The following AGBL4 variants were observed in gnomAD, a reference collection of about 807,000 sequenced individuals.
AGBL4 encodes the protein AGBL carboxypeptidase 4.
AGBL4 carries 58 observed loss-of-function variants against 66.4 expected under a neutral mutation model. The observed-to-expected ratio is 0.87, with a 90% CI of 0.71 to 1.09. The LOEUF is 1.09. AGBL4 is among the 50% of genes least tolerant of loss of function. The pLI is 0.00. For synonymous variants in AGBL4, 234 were observed against 222.9 expected (o/e 1.05, Z -0.44); for missense variants, 579 against 631.0 (o/e 0.92, Z 0.88).
intron 3 of AGBL4, among the ~76,000 whole-genome samples, chr1:49,401,976 T>G (rs1645096321): frequency 6.6e-6 from 1 of 152,170 alleles, no homozygotes; most frequent in South Asian, 2.1e-4. Context: ...TAGTTGCACA[T>G]AGTAGCCACC....
intron 6 of AGBL4, among the ~76,000 whole-genome samples, chr1:48,731,277 A>C (rs1648083639): frequency 6.6e-6 from 1 of 152,186 alleles, no homozygotes; most frequent in Admixed American, 6.5e-5. Context: ...TTTAGTAAAA[A>C]AAAAAAATCA....
chr1:49,146,037 T>C (rs960774466), intron 4 of AGBL4, among the ~76,000 whole-genome samples: 8 of 152,188 alleles, frequency 5.3e-5, no homozygotes, highest in Non-Finnish European at 1.0e-4. Flanking sequence ...ACTCACTTAT[T>C]TGTGGGATCT....
At chr1:49,680,428 G>T (rs938325112) in intron 3 of AGBL4, among the ~76,000 whole-genome samples, 7 of 151,768 alleles carry the variant, frequency 4.6e-5, no homozygotes, top group African/African-American at 1.5e-4. Context: ...AATTTTATTA[G>T]TTTTCCTTCA....
chr1:48,897,907 T>C (rs1007035876), intron 5 of AGBL4, among the ~76,000 whole-genome samples: 5 of 151,562 alleles, frequency 3.3e-5, no homozygotes, highest in Non-Finnish European at 4.4e-5. Context: ...CCTCCTGGGT[T>C]CAAGCGATTC....
intron 3 of AGBL4, among the ~76,000 whole-genome samples, chr1:49,360,075 G>T (rs1261357738): frequency 6.6e-6 from 1 of 152,072 alleles, no homozygotes; most frequent in East Asian, 1.9e-4. Context: ...TTAAGTTATG[G>T]ATCATCTTTC....
intron 5 of AGBL4, among the ~76,000 whole-genome samples, chr1:48,997,237 T>C (rs1027820595): frequency 2.6e-5 from 4 of 152,034 alleles, no homozygotes; most frequent in African/African-American, 9.7e-5. Flanking sequence ...AAGTGATAAA[T>C]TTAAGATGTA....
intron 1 of AGBL4, among the ~76,000 whole-genome samples, chr1:49,981,167 A>C (rs1190104604): frequency 1.3e-5 from 2 of 152,218 alleles, no homozygotes; most frequent in Non-Finnish European, 2.9e-5. Flanking sequence ...ACTGCAAAAC[A>C]CTTATAAAAT....
At chr1:49,661,194 A>T (rs1301367435) in intron 3 of AGBL4, among the ~76,000 whole-genome samples, 1 of 152,194 alleles carries the variant, frequency 6.6e-6, no homozygotes, top group African/African-American at 2.4e-5. Context: ...AGAAAATTCA[A>T]CATAACTAGT....
intron 3 of AGBL4, among the ~76,000 whole-genome samples, chr1:49,673,189 T>G (rs1307098061): frequency 6.6e-6 from 1 of 152,172 alleles, no homozygotes; most frequent in Non-Finnish European, 1.5e-5. Flanking sequence ...TTACTGTAAT[T>G]TCTATTTCTC....
intron 4 of AGBL4, among the ~76,000 whole-genome samples, chr1:49,115,612 T>G (rs1645502935): frequency 6.6e-6 from 1 of 150,844 alleles, no homozygotes; most frequent in Non-Finnish European, 1.5e-5. Flanking sequence ...GAGGGAGAGA[T>G]AGAAAGAGAG....
rs561128054 is a variant in AGBL4, at chr1:49,697,021, G to C, written c.282+292C>G. On this transcript the variant is annotated intron_variant, in intron 3 of 13. Transcript: ENST00000371839. ...TAAACATAATAGCAAGTCTCTTCCAGTGTTTCCTTATAGTGTCCCTCAAGG... is the reference window on the plus strand; with the variant it reads ...TAAACATAATAGCAAGTCTCTTCCACTGTTTCCTTATAGTGTCCCTCAAGG... Among the ~76,000 whole-genome samples, 5 of 152,234 alleles carry C rather than the reference G, an allele frequency of 3.3e-5. 1 individual carries two copies. Among genetic ancestry groups the C allele is most frequent in the Admixed American group, 2.6e-4 (4 of 15,264 alleles).
intron 1 of AGBL4, among the ~76,000 whole-genome samples, chr1:49,929,920 T>G (rs1038759762): frequency 6.6e-6 from 1 of 152,122 alleles, no homozygotes; most frequent in Non-Finnish European, 1.5e-5. Context: ...ATCATTTGAA[T>G]ATAGACTGTG....
intron 9 of AGBL4, among the ~76,000 whole-genome samples, chr1:48,619,723 T>A (rs1645378580): frequency 6.6e-6 from 1 of 152,204 alleles, no homozygotes; most frequent in Non-Finnish European, 1.5e-5. Context: ...TCCCGACTGC[T>A]GAGTCTGCAT....
intron 1 of AGBL4, among the ~76,000 whole-genome samples, chr1:49,886,565 GA>G (rs1304013331): frequency 6.6e-6 from 1 of 152,132 alleles, no homozygotes; most frequent in Non-Finnish European, 1.5e-5. Flanking sequence ...ACAGAGAGGA[GA>G]AAAAATAAAG....
At chr1:49,342,311 C>G (rs1645556663) in intron 3 of AGBL4, among the ~76,000 whole-genome samples, 1 of 152,078 alleles carries the variant, frequency 6.6e-6, no homozygotes, top group South Asian at 2.1e-4. Context: ...TACTTTGTGT[C>G]CATCTGTCAC....
intron 11 of AGBL4, among the ~76,000 whole-genome samples, chr1:48,551,508 T>G (rs903417987): frequency 2.6e-5 from 4 of 152,086 alleles, no homozygotes; most frequent in African/African-American, 9.7e-5. Flanking sequence ...ACATTCACAT[T>G]TGTTTCCAGA....
intron 6 of AGBL4, among the ~76,000 whole-genome samples, chr1:48,798,644 GT>G (rs1645744383): frequency 6.6e-6 from 1 of 152,058 alleles, no homozygotes; most frequent in Admixed American, 6.6e-5. Context: ...ATGGTTTTAG[GT>G]TACTTAGGTT....
Position 48,647,960 on chromosome 1 carries a change from C to T in AGBL4, c.839+5377G>A, listed in dbSNP as rs142714245. Among the ~76,000 whole-genome samples, 13 of 152,326 alleles carry T rather than the reference C, an allele frequency of 8.5e-5. No homozygotes were observed. In the East Asian group the frequency reaches 2.3e-3, roughly 27 times the overall value. ...ACCTGAAGTTACAATATTCATCCCT[C>T]AAGACTCCTAGGTCCCAGATCCTTC... On this transcript the variant is annotated intron_variant, in intron 8 of 13. Coordinates refer to ENST00000371839, the MANE Select transcript of AGBL4 (RefSeq NM_032785.4).
At chr1:49,138,404 TC>T (rs1646054507) in intron 4 of AGBL4, among the ~76,000 whole-genome samples, 1 of 151,526 alleles carries the variant, frequency 6.6e-6, no homozygotes, top group Non-Finnish European at 1.5e-5. Flanking sequence ...CCTAAACTCC[TC>T]CCTTTTCTCT....
Sources: allele counts gnomAD v4.1 joint callset (sites outside exome capture counted in the v4.1 genomes callset), GRCh38; gene constraint gnomAD v4.1.1; transcripts MANE v1.5; gene names NCBI Gene and HGNC (gene_info 2026-07-23, HGNC 2026-07-21).